CAMLG: variants seen among roughly 807,000 people sequenced by gnomAD.
CAMLG encodes the protein guided entry of tail-anchored proteins factor CAMLG.
A neutral mutation model predicts 28.9 loss-of-function variants in CAMLG; 23 were observed. That is an observed-to-expected ratio of 0.80 (90% CI 0.57 to 1.13). CAMLG has a LOEUF of 1.13. CAMLG is among the 50% of genes most tolerant of loss of function. CAMLG has a pLI of 0.00. For missense variants in CAMLG, 367 were observed against 371.9 expected (o/e 0.99, Z 0.11); for synonymous variants, 141 against 146.5 (o/e 0.96, Z 0.27).
At chr5:134,749,489 T>C (rs953548471) in intron 3 of CAMLG, among the ~76,000 whole-genome samples, 1 of 152,196 alleles carries the variant, frequency 6.6e-6, no homozygotes, top group African/African-American at 2.4e-5. Flanking sequence ...AAGTAAATGT[T>C]CTCTCTTCCA....
At position 134,751,495 on chromosome 5, in the gene CAMLG, T is replaced by A. The variant is rs1156361426; in HGVS notation, c.*545T>A. 6.6e-6 allele frequency: 1 copy of A among 152,228 alleles called. No homozygotes were observed. The highest frequency in any genetic ancestry group is 1.5e-5 in the Non-Finnish European group (1 of 68,044). The allele number at this position is 152,228 out of a possible 1,614,324, so 9.4% of individuals were successfully genotyped here. On this transcript the variant is annotated 3_prime_UTR_variant, in exon 4 of 4. Transcript: ENST00000297156. The stretch of plus-strand genomic sequence containing the variant: ...TTCATACATGTGAAATTGGAAGGTA[T>A]TTATAAAATTTTTATTGCTGTATAC...
At chr5:134,747,666 G>A (rs1305166181) in intron 3 of CAMLG, among the ~76,000 whole-genome samples, 1 of 143,932 alleles carries the variant, frequency 6.9e-6, no homozygotes, top group Non-Finnish European at 1.5e-5. Context: ...TTTTTGAGAC[G>A]GAGTCTCGCT....
Position 134,741,183 on chromosome 5 carries a change from A to G in CAMLG, c.293A>G (p.Gln98Arg). 1 of 1,614,174 alleles carries G rather than the reference A, an allele frequency of 6.2e-7. No homozygotes were observed. Among genetic ancestry groups the G allele is most frequent in the Non-Finnish European group, 8.5e-7 (1 of 1,179,992 alleles). ...GDSVSTGTTD[Q>R]QGGVAEVKGT... ...TCAGTCAGTACAGGAACAACTGACCAGCAGGGTGGTGTGGCCGAGGTAAAG... is the reference window on the plus strand; with the variant it reads ...TCAGTCAGTACAGGAACAACTGACCGGCAGGGTGGTGTGGCCGAGGTAAAG... Residue 98 changes from glutamine to arginine, a missense_variant, in exon 2 of 4, where the codon CAG becomes CGG. Physicochemically the swap from Gln to Arg is conservative, Grantham distance 43. Transcript: ENST00000297156.
At chr5:134,744,922 T>G (rs1158809003) in intron 3 of CAMLG, among the ~76,000 whole-genome samples, 1 of 152,150 alleles carries the variant, frequency 6.6e-6, no homozygotes, top group African/African-American at 2.4e-5. Flanking sequence ...TTGGCTTGCC[T>G]GACATAGACG....
chr5:134,744,848 A>G (rs1166195225), intron 3 of CAMLG, among the ~76,000 whole-genome samples: 2 of 152,212 alleles, frequency 1.3e-5, no homozygotes, highest in Non-Finnish European at 2.9e-5. Context: ...ACAGAACAGA[A>G]TGATGTTGAG....
chr5:134,752,115 G>T lies in CAMLG; in HGVS notation c.*1165G>T, dbSNP rs910569936. The T allele has an allele frequency of 5.9e-5, 9 of 152,124 alleles. No individual in the cohort carries two copies. The highest frequency in any genetic ancestry group is 1.2e-4 in the Non-Finnish European group (8 of 68,032). 9.4% of individuals were successfully genotyped at this position (152,124 alleles called of 1,614,324 possible). ...ACAGATTTTTGTATAGTCTAATTTG[G>T]TTAATCCTTGTGACATTAAAAACAC... is the stretch of plus-strand genomic sequence containing the variant. On this transcript the variant is annotated 3_prime_UTR_variant, in exon 4 of 4. Coordinates refer to ENST00000297156, the MANE Select transcript of CAMLG (RefSeq NM_001745.4).
chr5:134,742,253 A>G (rs1036862995), intron 2 of CAMLG, among the ~76,000 whole-genome samples: 8 of 152,150 alleles, frequency 5.3e-5, no homozygotes, highest in African/African-American at 1.7e-4. Context: ...ATTGTTTTGC[A>G]TACATTAATT....
chr5:134,739,050 C>A (rs1752953258), intron 1 of CAMLG, among the ~76,000 whole-genome samples: 1 of 152,130 alleles, frequency 6.6e-6, no homozygotes, highest in East Asian at 1.9e-4. Context: ...ACTCCCTCTT[C>A]CCAGTTACGT....
intron 3 of CAMLG, among the ~76,000 whole-genome samples, chr5:134,746,257 G>C (rs1384182449): frequency 6.7e-6 from 1 of 150,124 alleles, no homozygotes; most frequent in South Asian, 2.1e-4. Flanking sequence ...ATTCAGAATA[G>C]AATCTATAGA....
At chr5:134,750,292 C>T (rs957817793) in intron 3 of CAMLG, among the ~76,000 whole-genome samples, 12 of 152,106 alleles carry the variant, frequency 7.9e-5, no homozygotes, top group African/African-American at 2.9e-4. Flanking sequence ...GTAATCCTGA[C>T]ACTTTGGGAG....
Position 134,741,290 on chromosome 5 carries a change from C to A in CAMLG, c.400C>A (p.Arg134=), listed in dbSNP as rs1194849257. Residue 134 remains arginine, a synonymous_variant, in exon 2 of 4, where the codon CGG becomes AGG. Transcript: ENST00000297156. ...TGATGTCAACCTTGAGCTCCGGCAGCGGAACAGAGGGGACCTGACAGCGGA... is the reference window on the plus strand; with the variant it reads ...TGATGTCAACCTTGAGCTCCGGCAGAGGAACAGAGGGGACCTGACAGCGGA... ...SSDVNLELRQ[R]NRGDLTADSV... The A allele has an allele frequency of 6.2e-7, 1 of 1,614,120 alleles. No individual in the cohort carries two copies. Among genetic ancestry groups the A allele is most frequent in the South Asian group, 1.1e-5 (1 of 91,078 alleles).
chr5:134,740,495 T>C (rs1454195457), intron 1 of CAMLG, among the ~76,000 whole-genome samples: 1 of 152,238 alleles, frequency 6.6e-6, no homozygotes. Context: ...CCAGTTTGTC[T>C]ACTAATCTTA....
chr5:134,740,200 TAAAACA>T (rs1246049117), intron 1 of CAMLG, among the ~76,000 whole-genome samples: 2 of 152,030 alleles, frequency 1.3e-5, no homozygotes, highest in Admixed American at 1.3e-4. Flanking sequence ...GCCTTTTTTT[TAAAACA>T]AAAACAAAAA....
At position 134,741,422 on chromosome 5, in the gene CAMLG, G is replaced by A. The variant is rs200087327; in HGVS notation, c.532G>A (p.Asp178Asn). Residue 178 changes from aspartate to asparagine, a missense_variant, in exon 2 of 4, where the codon GAT becomes AAT. Asp to Asn is a conservative substitution (Grantham distance 23). Coordinates refer to ENST00000297156, the MANE Select transcript of CAMLG (RefSeq NM_001745.4). ...GATTAGTGAAAAACCCAGTCAAGAG[G>A]ATGGAAATACAACAGAAGAATTTGA... ...QLISEKPSQEDGNTTEEFDSF... is the reference protein window; with the variant it reads ...QLISEKPSQENGNTTEEFDSF... 3.6e-5 allele frequency: 58 copies of A among 1,613,968 alleles called. No individual in the cohort carries two copies. The East Asian group carries it at 8.5e-4, about 24-fold the overall frequency.
At chr5:134,739,751 ATTC>A (rs1179184855) in intron 1 of CAMLG, among the ~76,000 whole-genome samples, 1 of 152,208 alleles carries the variant, frequency 6.6e-6, no homozygotes, top group African/African-American at 2.4e-5. Context: ...ACCATTTCAA[ATTC>A]TTCTAGAACA....
chr5:134,738,586 G>C lies in CAMLG; in HGVS notation c.-35G>C, dbSNP rs1173346965. The stretch of plus-strand genomic sequence containing the variant: ...CCTCGCAGCGGCGGCCAACATCACC[G>C]CCACTGCCACCCCTCCCAGACTGTG... On this transcript the variant is annotated 5_prime_UTR_variant, in exon 1 of 4. Coordinates refer to ENST00000297156, the MANE Select transcript of CAMLG (RefSeq NM_001745.4). 2 of 1,542,934 alleles carry C rather than the reference G, an allele frequency of 1.3e-6. No homozygotes were observed. Among genetic ancestry groups the C allele is most frequent in the South Asian group, 2.4e-5 (2 of 84,202 alleles).
intron 2 of CAMLG, among the ~76,000 whole-genome samples, chr5:134,743,734 C>T (rs561245986): frequency 7.9e-5 from 12 of 151,918 alleles, no homozygotes; most frequent in African/African-American, 2.7e-4. Flanking sequence ...GGTGTGGTGG[C>T]GGGCGCCTGT....
Position 134,741,537 on chromosome 5 carries a change from T to A in CAMLG, c.633+14T>A. 6.6e-7 allele frequency: 1 copy of A among 1,506,168 alleles called. No homozygotes were observed. Among genetic ancestry groups the A allele is most frequent in the South Asian group, 1.2e-5 (1 of 85,044 alleles). The allele number at this position is 1,506,168 out of a possible 1,614,324, so 93.3% of individuals were successfully genotyped here. A position where few individuals can be genotyped will look rare whatever the true frequency, so the allele number is the denominator to read the frequency against. ...TGCAAATACTTGGTAAGAAAAGATCTGTAAATTATTAACTAACTTAATGGA... is the reference window on the plus strand; with the variant it reads ...TGCAAATACTTGGTAAGAAAAGATCAGTAAATTATTAACTAACTTAATGGA... On this transcript the variant is annotated intron_variant, in intron 2 of 3. Coordinates refer to ENST00000297156, the MANE Select transcript of CAMLG (RefSeq NM_001745.4).
intron 3 of CAMLG, among the ~76,000 whole-genome samples, chr5:134,746,373 T>C (rs1046476226): frequency 1.3e-5 from 2 of 152,124 alleles, no homozygotes; most frequent in Non-Finnish European, 2.9e-5. Flanking sequence ...TTAACAATAC[T>C]TATGTGTGTG....
Sources: allele counts gnomAD v4.1 joint callset (sites outside exome capture counted in the v4.1 genomes callset), GRCh38; gene constraint gnomAD v4.1.1; transcripts MANE v1.5; gene names NCBI Gene and HGNC (gene_info 2026-07-23, HGNC 2026-07-21).